Variants in POTEH observed in about 807,000 individuals in gnomAD.
POTEH encodes POTE ankyrin domain family member H.
POTEH carries 6 observed loss-of-function variants against 41.7 expected under a neutral mutation model. The observed-to-expected ratio is 0.14, with a 90% confidence interval of 0.08 to 0.28. POTEH has a LOEUF of 0.28. Among genes scored for constraint, POTEH ranks in the 10% least tolerant of loss-of-function variants. The pLI, the probability that POTEH is intolerant of heterozygous loss-of-function variation, is 1.00. For missense variants in POTEH, 115 were observed against 533.5 expected, an observed-to-expected ratio of 0.22 and a Z score of 7.73; for synonymous variants, 38 against 179.9, an observed-to-expected ratio of 0.21 and a Z score of 6.31.
chr22:15,711,300 A>G (rs1481229664), intron 9 of POTEH, among the ~76,000 whole-genome samples: 6 of 152,086 alleles, frequency 3.9e-5, no homozygotes, highest in Admixed American at 6.5e-5. Context: ...GGTTTATTAT[A>G]TAGGTAAACT....
At chr22:15,710,404 C>T (rs1023870595) in intron 8 of POTEH, among the ~76,000 whole-genome samples, 5 of 137,578 alleles carry the variant, frequency 3.6e-5, no homozygotes, top group Non-Finnish European at 6.2e-5. Context: ...GGCCATCTTC[C>T]ATTCTATTCC....
chr22:15,711,391 T>G (rs1426750067), intron 9 of POTEH, among the ~76,000 whole-genome samples: 1 of 151,852 alleles, frequency 6.6e-6, no homozygotes. Context: ...TTTGGTCGTC[T>G]CCCTCCTGCC....
Position 15,690,597 on chromosome 22 carries a change from C to T in POTEH, c.520C>T (p.Arg174Ter), listed in dbSNP as rs148769485. Residue 174 changes from arginine to a stop codon, truncating the protein, a stop_gained, in exon 1 of 11, where the codon CGA (arginine) becomes TGA (stop). Transcript: ENST00000343518. LOFTEE classifies it high-confidence loss of function. ...AFMEPRYHVR[R>*]EDLDKLHRAA... ...CATGGAGCCGAGGTACCACGTCCGT[C>T]GAGAAGATCTGGACAAGCTCCACAG... is the stretch of plus-strand genomic sequence containing the variant. 4.5e-5 allele frequency: 64 copies of T among 1,425,004 alleles called. 10 individuals carry two copies. Among genetic ancestry groups the T allele is most frequent in the East Asian group, 1.1e-4 (5 of 43,794 alleles). The allele number at this position is 1,425,004 out of a possible 1,614,324, so 88.3% of individuals were successfully genotyped here.
At position 15,695,704 on chromosome 22, in the gene POTEH, G is replaced by C. The variant is rs3931625; in HGVS notation, c.807G>C (p.Pro269=). Residue 269 remains proline, a synonymous_variant, in exon 3 of 11, where the codon CCG becomes CCC. Coordinates refer to ENST00000343518, the MANE Select transcript of POTEH (RefSeq NM_001136213.1). ...TGTTGCTGGAACATGGCACTGATCC[G>C]AATATTCCAGATGAGTATGGAAATA... ...ALMLLEHGTD[P]NIPDEYGNTA... 4.9e-5 allele frequency: 1 copy of C among 20,556 alleles called. No homozygotes were observed. Among genetic ancestry groups the C allele is most frequent in the Admixed American group, 5.1e-4 (1 of 1,950 alleles). The allele number at this position is 20,556 out of a possible 1,614,324, so 1.3% of individuals were successfully genotyped here.
intron 3 of POTEH, among the ~76,000 whole-genome samples, chr22:15,698,329 G>T (rs1158519917): frequency 1.4e-5 from 2 of 138,084 alleles, no homozygotes; most frequent in African/African-American, 2.9e-5. Context: ...TACAGCCCCT[G>T]CCCTCAAGGA....
intron 1 of POTEH, among the ~76,000 whole-genome samples, chr22:15,691,377 T>A (rs374150614): frequency 0.017 from 2,151 of 126,748 alleles, 241 homozygotes; most frequent in Non-Finnish European, 0.028. Context: ...ATAAAAAAAA[T>A]TAGCTGGACG....
At chr22:15,708,955 A>C (rs1400284692) in intron 7 of POTEH, among the ~76,000 whole-genome samples, 2 of 151,352 alleles carry the variant, frequency 1.3e-5, no homozygotes, top group African/African-American at 4.9e-5. Flanking sequence ...GGTTAAAGAT[A>C]TATTCTGCCT....
intron 9 of POTEH, among the ~76,000 whole-genome samples, chr22:15,714,361 T>C (rs1187300486): frequency 6.6e-6 from 1 of 152,228 alleles, no homozygotes; most frequent in Non-Finnish European, 1.5e-5. Context: ...TCTGATTGCC[T>C]CCCATTTCAC....
intron 6 of POTEH, among the ~76,000 whole-genome samples, chr22:15,705,353 C>CTTTTTTTTTTTTTTTTTTTTTTTG (rs377062560): frequency 7.0e-5 from 1 of 14,296 alleles, no homozygotes; most frequent in Non-Finnish European, 1.2e-4. Context: ...ATATGTTGGC[C>CTTTTTTTTTTTTTTTTTTTTTTTG]TTTTTTTTTT....
intron 9 of POTEH, among the ~76,000 whole-genome samples, chr22:15,713,483 C>G (rs1316364392): frequency 6.6e-6 from 1 of 152,392 alleles, no homozygotes; most frequent in Non-Finnish European, 1.5e-5. Context: ...TGGCTCAGTC[C>G]TCAATCTTCT....
intron 9 of POTEH, among the ~76,000 whole-genome samples, chr22:15,714,241 C>A (rs1241725263): frequency 6.6e-6 from 1 of 152,122 alleles, no homozygotes; most frequent in African/African-American, 2.4e-5. Flanking sequence ...GTGTCATAGA[C>A]TGGGAATTGA....
rs1020607908 is a variant in POTEH, at chr22:15,690,894, T to C, written c.632+185T>C. Among the ~76,000 whole-genome samples, 26 of 129,982 alleles carry C rather than the reference T, an allele frequency of 2.0e-4. 1 individual carries two copies. Among genetic ancestry groups the C allele is most frequent in the Admixed American group, 8.7e-4 (11 of 12,636 alleles). 85.3% of individuals were successfully genotyped at this position (129,982 alleles called of 152,430 possible). A position where few individuals can be genotyped will look rare whatever the true frequency, so the allele number is the denominator to read the frequency against. ...GAGCAGCAACACAAAAACAAAACTT[T>C]AGCTGATTTCCAATCAAATCATAAT... is the stretch of plus-strand genomic sequence containing the variant. On this transcript the variant is annotated intron_variant, in intron 1 of 10. Coordinates refer to ENST00000343518, the MANE Select transcript of POTEH (RefSeq NM_001136213.1).
chr22:15,690,758 G>T (rs1271987033), intron 1 of POTEH, 49 bp downstream of exon 1: 3 of 1,391,618 alleles, frequency 2.2e-6, no homozygotes, highest in East Asian at 4.6e-5. Context: ...GGATGATGGG[G>T]ACATACCCTC....
chr22:15,714,525 A>G (rs1197360515), intron 9 of POTEH, among the ~76,000 whole-genome samples: 1 of 152,006 alleles, frequency 6.6e-6, no homozygotes, highest in African/African-American at 2.4e-5. Context: ...CTAGTGCTTA[A>G]AAACTCCAGT....
At chr22:15,691,084 G>T (rs570078391) in intron 1 of POTEH, among the ~76,000 whole-genome samples, 8 of 144,112 alleles carry the variant, frequency 5.6e-5, no homozygotes, top group African/African-American at 2.0e-4. Flanking sequence ...CAACTTCAGG[G>T]CTAAATATTC....
chr22:15,706,094 TAATA>T (rs1989666528), intron 6 of POTEH, among the ~76,000 whole-genome samples: 2 of 151,308 alleles, frequency 1.3e-5, no homozygotes, highest in African/African-American at 4.8e-5. Flanking sequence ...TTCTGACTTC[TAATA>T]AATCATTTTC....
intron 6 of POTEH, among the ~76,000 whole-genome samples, chr22:15,703,852 CTG>C (rs1348479835): frequency 6.9e-6 from 1 of 145,358 alleles, no homozygotes; most frequent in Non-Finnish European, 1.5e-5. Context: ...CATTTCATTT[CTG>C]TGCTTTTTCA....
intron 6 of POTEH, among the ~76,000 whole-genome samples, chr22:15,705,369 T>G (rs1410848363): frequency 1.5e-5 from 2 of 133,336 alleles, no homozygotes; most frequent in African/African-American, 2.8e-5. Flanking sequence ...TTTTTTTTTT[T>G]TTTTTTGGTG....
rs763625671 is a variant in POTEH at position 15,690,587 on chromosome 22, C to G, written c.510C>G (p.Tyr170Ter). The G allele has an allele frequency of 2.1e-6, 3 of 1,425,236 alleles. No individual in the cohort carries two copies. Among genetic ancestry groups the G allele is most frequent in the East Asian group, 4.6e-5 (2 of 43,812 alleles). 88.3% of individuals were successfully genotyped at this position (1,425,236 alleles called of 1,614,324 possible). Residue 170 changes from tyrosine (Y) to a stop codon, truncating the protein, a stop_gained, in exon 1 of 11, where the codon TAC becomes TAG. Coordinates refer to ENST00000343518, the MANE Select transcript of POTEH (RefSeq NM_001136213.1). LOFTEE classifies it high-confidence loss of function. Reference sequence around the variant, plus strand: ...ACAGCGCTTTCATGGAGCCGAGGTACCACGTCCGTCGAGAAGATCTGGACA... The same window carrying G: ...ACAGCGCTTTCATGGAGCCGAGGTAGCACGTCCGTCGAGAAGATCTGGACA... ...YDDSAFMEPR[Y>*]HVRREDLDKL...
Sources: allele counts gnomAD v4.1 joint callset (sites outside exome capture counted in the v4.1 genomes callset), GRCh38; gene constraint gnomAD v4.1.1; transcripts MANE v1.5; gene names NCBI Gene and HGNC (gene_info 2026-07-23, HGNC 2026-07-21).